Variants in PDE6A observed in about 807,000 individuals in gnomAD.
The protein encoded by PDE6A is phosphodiesterase 6A.
In PDE6A, 84 loss-of-function variants were observed where a neutral mutation model predicts 106.3. That is an observed-to-expected ratio of 0.79 (90% CI 0.66 to 0.95). The LOEUF is 0.95. PDE6A is among the 40% of genes least tolerant of loss of function. The pLI is 0.00. For synonymous variants in PDE6A, 394 were observed against 386.6 expected (o/e 1.02, Z -0.23); for missense variants, 1,052 against 1,084.9 (o/e 0.97, Z 0.43).
intron 4 of PDE6A, among the ~76,000 whole-genome samples, chr5:149,924,316 G>A (rs1238935204): frequency 6.6e-6 from 1 of 152,060 alleles, no homozygotes; most frequent in East Asian, 1.9e-4. Flanking sequence ...GCCAAACACT[G>A]AGTGGCTCCA....
chr5:149,943,832 A>G (rs1190317808), intron 1 of PDE6A, among the ~76,000 whole-genome samples: 1 of 151,846 alleles, frequency 6.6e-6, no homozygotes, highest in East Asian at 1.9e-4. Context: ...GAACAGGGAC[A>G]TTTCTTACCT....
At chr5:149,887,793 C>T (rs755026853) in intron 13 of PDE6A, among the ~76,000 whole-genome samples, 5 of 152,004 alleles carry the variant, frequency 3.3e-5, no homozygotes, top group Admixed American at 6.6e-5. Context: ...ATCATGAGAA[C>T]ATCTTATCAA....
intron 8 of PDE6A, among the ~76,000 whole-genome samples, chr5:149,902,343 C>G (rs148766445): frequency 3.9e-5 from 6 of 152,240 alleles, no homozygotes; most frequent in Admixed American, 2.0e-4. Flanking sequence ...GATGCCCCTC[C>G]TCTCCCCTCT....
intron 21 of PDE6A, among the ~76,000 whole-genome samples, chr5:149,861,806 CTG>C (rs969776489): frequency 6.6e-6 from 1 of 152,122 alleles, no homozygotes; most frequent in Admixed American, 6.5e-5. Context: ...TAAGCCAAAT[CTG>C]TATTTTTTTA....
In PDE6A at chr5:149,944,342, C is replaced by A; in HGVS notation, c.332G>T (p.Arg111Met). The change falls in exon 1 of 22, where the codon AGG (arginine) becomes ATG (methionine). Residue 111 changes from arginine to methionine, a missense_variant. By Grantham distance (91) the Arg-to-Met change is moderately conservative. This residue lies in a region of PDE6A where 913 missense variants were observed against 915.2 expected (regional missense o/e 1.00). Transcript: ENST00000255266. The part of the protein sequence containing the change: ...TRNGIAELAT[R>M]LFNVHKDAVL... ...AGCATCCTTGTGGACATTGAAAAGC[C>A]TGGTGGCCAGCTCTGCGATGCCATT... The A allele has an allele frequency of 6.2e-7, 1 of 1,614,122 alleles. No individual in the cohort carries two copies. Among genetic ancestry groups the A allele is most frequent in the African/African-American group, 1.3e-5 (1 of 75,036 alleles).
chr5:149,900,085 G>A (rs1030075364), intron 8 of PDE6A, among the ~76,000 whole-genome samples: 1 of 151,872 alleles, frequency 6.6e-6, no homozygotes, highest in Non-Finnish European at 1.5e-5. Context: ...TAGGCATGGC[G>A]ACTCACACCT....
At chr5:149,890,784 T>C (rs2113570618) in intron 13 of PDE6A, among the ~76,000 whole-genome samples, 1 of 152,338 alleles carries the variant, frequency 6.6e-6, no homozygotes, top group South Asian at 2.1e-4. Flanking sequence ...AAGAAACTGG[T>C]TCATAAAACT....
intron 5 of PDE6A, 30 bp downstream of exon 5, chr5:149,921,605 A>G: frequency 6.4e-7 from 1 of 1,559,816 alleles, no homozygotes; most frequent in Non-Finnish European, 8.8e-7. Flanking sequence ...AATATATTAA[A>G]TCATACTGAA....
chr5:149,936,878 A>C (rs188673117), intron 1 of PDE6A, among the ~76,000 whole-genome samples: 49 of 152,358 alleles, frequency 3.2e-4, no homozygotes, highest in African/African-American at 1.1e-3. Context: ...CCATTCAGTT[A>C]GCATTATCAG....
intron 15 of PDE6A, 38 bp downstream of exon 15, chr5:149,884,742 A>G: frequency 6.4e-7 from 1 of 1,574,632 alleles, no homozygotes; most frequent in South Asian, 1.1e-5. Flanking sequence ...CCTCTGATCC[A>G]GGCCCCGCGG....
At chr5:149,861,566 C>T (rs1279086474) in intron 21 of PDE6A, among the ~76,000 whole-genome samples, 1 of 152,114 alleles carries the variant, frequency 6.6e-6, no homozygotes, top group East Asian at 1.9e-4. Flanking sequence ...GGGAGGATCG[C>T]TTGAGGCCGG....
At chr5:149,905,239 T>A (rs1439597142) in intron 7 of PDE6A, among the ~76,000 whole-genome samples, 1 of 152,134 alleles carries the variant, frequency 6.6e-6, no homozygotes, top group East Asian at 1.9e-4. Context: ...CCACCCACTC[T>A]GTAGATGCCA....
At chr5:149,909,721 C>G (rs1178543269) in intron 6 of PDE6A, among the ~76,000 whole-genome samples, 1 of 152,198 alleles carries the variant, frequency 6.6e-6, no homozygotes, top group Non-Finnish European at 1.5e-5. Context: ...AGCACAATTT[C>G]ACTGCATCAC....
Position 149,944,510 on chromosome 5 carries a change from A to G in PDE6A, c.164T>C (p.Met55Thr), listed in dbSNP as rs1398293247. 6.2e-7 allele frequency: 1 copy of G among 1,614,132 alleles called. No individual in the cohort carries two copies. The highest frequency in any genetic ancestry group is 8.5e-7 in the Non-Finnish European group (1 of 1,179,998). Residue 55 changes from methionine to threonine, a missense_variant, in exon 1 of 22, where the codon ATG (methionine) becomes ACG (threonine). Met to Thr is a moderately conservative substitution (Grantham distance 81). Coordinates refer to ENST00000255266, the MANE Select transcript of PDE6A (RefSeq NM_000440.3). ...ATCAAAGATGATTTCGCTCTCCTCC[A>G]TGCTGCTCGGGGAGTGGTAGTTGCT... ...DFSNYHSPSS[M>T]EESEIIFDLL... is the part of the protein sequence containing the mutation.
chr5:149,926,436 A>G (rs1753865317), intron 4 of PDE6A, among the ~76,000 whole-genome samples: 1 of 152,194 alleles, frequency 6.6e-6, no homozygotes, highest in Non-Finnish European at 1.5e-5. Context: ...GGATGCTTGT[A>G]CAGAAAAATG....
At chr5:149,877,718 G>C (rs1401531586) in intron 17 of PDE6A, among the ~76,000 whole-genome samples, 7 of 152,162 alleles carry the variant, frequency 4.6e-5, no homozygotes, top group Non-Finnish European at 8.8e-5. Flanking sequence ...CCCTTCCTTA[G>C]ATTTATAATG....
intron 13 of PDE6A, among the ~76,000 whole-genome samples, chr5:149,890,662 T>C (rs2113570385): frequency 6.6e-6 from 1 of 152,298 alleles, no homozygotes; most frequent in Non-Finnish European, 1.5e-5. Flanking sequence ...AGTCTTGTCA[T>C]CCACAGGTGG....
At chr5:149,928,861 T>C (rs775773258) in intron 4 of PDE6A, among the ~76,000 whole-genome samples, 2 of 152,144 alleles carry the variant, frequency 1.3e-5, no homozygotes, top group Non-Finnish European at 2.9e-5. Flanking sequence ...CTTCAAAAAA[T>C]AATACATCCA....
chr5:149,916,475 T>C (rs1213588118), intron 5 of PDE6A, among the ~76,000 whole-genome samples: 1 of 152,180 alleles, frequency 6.6e-6, no homozygotes, highest in East Asian at 1.9e-4. Flanking sequence ...CTTTGCTGTG[T>C]CGTCACTTCA....
Sources: allele counts gnomAD v4.1 joint callset (sites outside exome capture counted in the v4.1 genomes callset), GRCh38; gene constraint gnomAD v4.1.1; regional missense constraint gnomAD v4.1.1; transcripts MANE v1.5; gene names NCBI Gene and HGNC (gene_info 2026-07-23, HGNC 2026-07-21).